PLXNA4: variants seen among roughly 807,000 people sequenced by gnomAD.
PLXNA4 encodes the protein plexin A4.
PLXNA4 carries 44 observed loss-of-function variants against 191.8 expected under a neutral mutation model. The ratio of observed to expected loss-of-function variants is 0.23; its 90% CI spans 0.18 to 0.29. The LOEUF is 0.29. Among genes scored for constraint, PLXNA4 ranks in the 10% least tolerant of loss-of-function variants. The pLI, the probability that PLXNA4 is intolerant of heterozygous loss-of-function variation, is 1.00. For synonymous variants in PLXNA4, 1,082 were observed against 1,009.5 expected, an observed-to-expected ratio of 1.07 and a Z score of -1.36; for missense variants, 1,800 against 2,488.8, an observed-to-expected ratio of 0.72 and a Z score of 5.89.
chr7:132,481,495 G>A (rs1489515654), intron 3 of PLXNA4, among the ~76,000 whole-genome samples: 11 of 151,790 alleles, frequency 7.2e-5, no homozygotes, highest in Admixed American at 6.6e-4. Flanking sequence ...AAAATGGAAG[G>A]TGTAACATTT....
intron 3 of PLXNA4, among the ~76,000 whole-genome samples, chr7:132,351,665 T>C (rs934372077): frequency 6.6e-6 from 1 of 152,182 alleles, no homozygotes; most frequent in Non-Finnish European, 1.5e-5. Flanking sequence ...AGGAAGCACC[T>C]TGTCCATGTG....
chr7:132,631,595 C>T (rs192859366), intron 2 of PLXNA4, among the ~76,000 whole-genome samples: 1 of 152,246 alleles, frequency 6.6e-6, no homozygotes, highest in East Asian at 1.9e-4. Flanking sequence ...TCCAAATGCT[C>T]TTATCTGATC....
chr7:132,368,403 C>T (rs1003980766), intron 3 of PLXNA4, among the ~76,000 whole-genome samples: 7 of 152,280 alleles, frequency 4.6e-5, no homozygotes, highest in African/African-American at 1.2e-4. Context: ...GGCTCCCTGT[C>T]GCTCTCCTTC....
chr7:132,210,317 T>C (rs1584849497), intron 10 of PLXNA4, among the ~76,000 whole-genome samples: 1 of 152,122 alleles, frequency 6.6e-6, no homozygotes, highest in Non-Finnish European at 1.5e-5. Flanking sequence ...ACCTAGGAAT[T>C]AGGTAGACAG....
chr7:132,282,656 A>T (rs1800527571), intron 4 of PLXNA4, among the ~76,000 whole-genome samples: 2 of 109,358 alleles, frequency 1.8e-5, no homozygotes, highest in Non-Finnish European at 3.6e-5. Context: ...AAAAAAAAAA[A>T]AAAAAGAAGC....
At chr7:132,300,029 A>T (rs1255830636) in intron 3 of PLXNA4, among the ~76,000 whole-genome samples, 1 of 152,226 alleles carries the variant, frequency 6.6e-6, no homozygotes, top group Non-Finnish European at 1.5e-5. Flanking sequence ...CACTGAATCA[A>T]AGTAACCCCA....
At chr7:132,390,784 C>T (rs1183190542) in intron 3 of PLXNA4, among the ~76,000 whole-genome samples, 1 of 152,166 alleles carries the variant, frequency 6.6e-6, no homozygotes, top group Non-Finnish European at 1.5e-5. Context: ...CAGGCACTTG[C>T]ACTCCTTGAA....
chr7:132,524,957 C>T (rs1001855354), intron 1 of PLXNA4, among the ~76,000 whole-genome samples: 4 of 152,130 alleles, frequency 2.6e-5, no homozygotes, highest in Admixed American at 6.5e-5. Flanking sequence ...AACTTTTAAG[C>T]GTACAGTTCA....
intron 4 of PLXNA4, among the ~76,000 whole-genome samples, chr7:132,286,543 C>G (rs1800689956): frequency 1.3e-5 from 2 of 152,122 alleles, no homozygotes; most frequent in Admixed American, 1.3e-4. Context: ...CTTGGGTTTC[C>G]TCAGCTTTTC....
intron 30 of PLXNA4, among the ~76,000 whole-genome samples, chr7:132,138,056 C>T (rs1468436576): frequency 6.6e-6 from 1 of 152,080 alleles, no homozygotes; most frequent in Non-Finnish European, 1.5e-5. Context: ...TTCTAGAAGA[C>T]TCAACATACT....
chr7:132,457,407 T>C (rs913330136), intron 3 of PLXNA4, among the ~76,000 whole-genome samples: 1 of 152,184 alleles, frequency 6.6e-6, no homozygotes, highest in Non-Finnish European at 1.5e-5. Context: ...ATGTCCCCCA[T>C]TGCATCCATC....
intron 4 of PLXNA4, among the ~76,000 whole-genome samples, chr7:132,257,410 C>A (rs1799471090): frequency 6.6e-6 from 1 of 152,230 alleles, no homozygotes; most frequent in Non-Finnish European, 1.5e-5. Context: ...TGGGGCCTGG[C>A]AAGATTCTAG....
At chr7:132,562,906 TCCTCCTCTTCCTCCTCCTCCTCTC>T (rs1801314516) in intron 1 of PLXNA4, among the ~76,000 whole-genome samples, 1 of 107,278 alleles carries the variant, frequency 9.3e-6, no homozygotes, top group Non-Finnish European at 1.9e-5. Context: ...CTCCCCCTCC[TCCTCCTCTTCCTCCTCCTCCTCTC>T]CCTCCTCCTC....
chr7:132,391,576 T>C (rs1793491771), intron 3 of PLXNA4, among the ~76,000 whole-genome samples: 1 of 151,494 alleles, frequency 6.6e-6, no homozygotes, highest in Admixed American at 6.6e-5. Context: ...GTAGGGCAGA[T>C]GACTTTGAGA....
chr7:132,262,732 G>A (rs550177338), intron 4 of PLXNA4, among the ~76,000 whole-genome samples: 1 of 152,250 alleles, frequency 6.6e-6, no homozygotes, highest in East Asian at 1.9e-4. Context: ...ATGGCATTTC[G>A]GGGGAAGGGG....
intron 3 of PLXNA4, among the ~76,000 whole-genome samples, chr7:132,303,829 A>G (rs545609297): frequency 6.6e-5 from 10 of 152,262 alleles, no homozygotes; most frequent in Admixed American, 3.3e-4. Context: ...TTTCACACAA[A>G]TAATGCCAGG....
chr7:132,513,900 T>C (rs1387395192), intron 1 of PLXNA4, among the ~76,000 whole-genome samples: 2 of 151,814 alleles, frequency 1.3e-5, no homozygotes, highest in African/African-American at 2.4e-5. Flanking sequence ...AGTCTTGAAG[T>C]CCTGACTTCA....
At chr7:132,372,450 A>G in intron 3 of PLXNA4, among the ~76,000 whole-genome samples, 1 of 152,184 alleles carries the variant, frequency 6.6e-6, no homozygotes, top group East Asian at 1.9e-4. Flanking sequence ...GGATTTGTGG[A>G]TGACAGTCCT....
At chr7:132,489,712 T>A (rs1284691894) in intron 2 of PLXNA4, among the ~76,000 whole-genome samples, 2 of 152,098 alleles carry the variant, frequency 1.3e-5, no homozygotes, top group Admixed American at 1.3e-4. Context: ...CCTTTCTCCA[T>A]AATCTGTGTG....
Sources: gnomAD v4.1 joint callset for allele counts (sites outside exome capture counted in the v4.1 genomes callset) on GRCh38, gnomAD v4.1.1 for gene constraint, MANE v1.5 for transcripts, NCBI Gene and HGNC (gene_info 2026-07-23, HGNC 2026-07-21) for gene names.